DACH2: variants seen among roughly 807,000 people sequenced by gnomAD.
The protein encoded by DACH2 is dachshund homolog 2.
Under a neutral mutation model 35.8 loss-of-function variants are expected in DACH2, and 17 were observed. That is an observed-to-expected ratio of 0.48 (90% CI 0.33 to 0.71). The LOEUF (loss-of-function observed/expected upper bound fraction) is 0.71, where lower values mean the gene tolerates loss of function less well. Ranked by LOEUF, DACH2 falls within the 30% of genes least tolerant of loss-of-function variation. DACH2 has a pLI of 0.02. For missense variants in DACH2, 469 were observed against 472.7 expected, an observed-to-expected ratio of 0.99 and a Z score of 0.07; for synonymous variants, 195 against 177.3, an observed-to-expected ratio of 1.10 and a Z score of -0.79.
At chrX:86,615,649 C>T (rs367637201) in intron 3 of DACH2, among the ~76,000 whole-genome samples, 29 of 111,230 alleles carry the variant, frequency 2.6e-4, no homozygotes, top group East Asian at 2.6e-3. Flanking sequence ...ATTATACATC[C>T]AAGGAGTAAC....
At chrX:86,439,150 G>T (rs181357468) in intron 2 of DACH2, among the ~76,000 whole-genome samples, 138 of 112,143 alleles carry the variant, frequency 1.2e-3, no homozygotes, top group South Asian at 2.9e-3. Flanking sequence ...GATTAATGAT[G>T]TTGGACATTT....
chrX:86,783,832 G>C (rs59418581), intron 7 of DACH2, among the ~76,000 whole-genome samples: 1 of 111,373 alleles, frequency 9.0e-6, no homozygotes, highest in Admixed American at 9.6e-5. Flanking sequence ...GGCTACCAGA[G>C]GGTGATAAGG....
At chrX:86,657,194 G>C (rs2040553451) in intron 4 of DACH2, among the ~76,000 whole-genome samples, 1 of 109,273 alleles carries the variant, frequency 9.2e-6, no homozygotes, top group African/African-American at 3.3e-5. Context: ...GGATACTATA[G>C]TCAAAAATAA....
intron 2 of DACH2, among the ~76,000 whole-genome samples, chrX:86,410,271 T>A (rs1244092829): frequency 8.9e-6 from 1 of 112,420 alleles, no homozygotes; most frequent in Non-Finnish European, 1.9e-5. Flanking sequence ...AGTAGCTTTT[T>A]CTCAGTATGA....
At chrX:86,731,942 G>A (rs745651601) in intron 6 of DACH2, among the ~76,000 whole-genome samples, 47 of 112,223 alleles carry the variant, frequency 4.2e-4, no homozygotes, top group Admixed American at 4.1e-3. Flanking sequence ...AACACTGCCC[G>A]TAATGGTAGC....
At chrX:86,251,409 G>C (rs967735217) in intron 1 of DACH2, among the ~76,000 whole-genome samples, 3 of 110,470 alleles carry the variant, frequency 2.7e-5, no homozygotes, top group African/African-American at 9.9e-5. Flanking sequence ...TTCTTTAATG[G>C]TGATTTCTGA....
intron 2 of DACH2, among the ~76,000 whole-genome samples, chrX:86,453,313 C>G (rs2037415471): frequency 8.9e-6 from 1 of 112,030 alleles, no homozygotes; most frequent in South Asian, 3.7e-4. Context: ...GTGGAGAGTT[C>G]TGTCGATATC....
At chrX:86,273,675 G>A (rs749319169) in intron 1 of DACH2, among the ~76,000 whole-genome samples, 3 of 112,377 alleles carry the variant, frequency 2.7e-5, no homozygotes, top group Admixed American at 1.9e-4. Flanking sequence ...TATGGGATAT[G>A]ATGATTTTTG....
intron 2 of DACH2, among the ~76,000 whole-genome samples, chrX:86,474,213 T>G (rs2037805627): frequency 8.9e-6 from 1 of 112,177 alleles, no homozygotes; most frequent in African/African-American, 3.2e-5. Flanking sequence ...AATCTGATTA[T>G]TAGATTTTCT....
chrX:86,538,655 A>G (rs1057090044), intron 3 of DACH2, among the ~76,000 whole-genome samples: 1 of 111,430 alleles, frequency 9.0e-6, no homozygotes, highest in African/African-American at 3.3e-5. Flanking sequence ...AGGACAAGAG[A>G]GCAAACTTTT....
At chrX:86,212,433 C>T (rs902893862) in intron 1 of DACH2, among the ~76,000 whole-genome samples, 1 of 111,052 alleles carries the variant, frequency 9.0e-6, no homozygotes, top group East Asian at 2.8e-4. Context: ...GAATTTATGA[C>T]CTAACAAGCA....
intron 1 of DACH2, among the ~76,000 whole-genome samples, chrX:86,321,420 T>TA (rs1277430601): frequency 8.9e-6 from 1 of 112,212 alleles, no homozygotes; most frequent in Non-Finnish European, 1.9e-5. Context: ...TCAGTCTTCC[T>TA]AAAAAGTCAG....
chrX:86,273,185 A>G (rs1214735634), intron 1 of DACH2, among the ~76,000 whole-genome samples: 1 of 112,184 alleles, frequency 8.9e-6, no homozygotes, highest in Non-Finnish European at 1.9e-5. Flanking sequence ...GAAGAACAAA[A>G]TTGTAAAAAT....
intron 2 of DACH2, among the ~76,000 whole-genome samples, chrX:86,386,003 G>C (rs187490062): frequency 8.9e-6 from 1 of 111,769 alleles, no homozygotes; most frequent in African/African-American, 3.2e-5. Flanking sequence ...GAATCAGTTT[G>C]TCCTAACTAA....
chrX:86,774,538 T>C (rs910972669), intron 7 of DACH2, among the ~76,000 whole-genome samples: 3 of 111,856 alleles, frequency 2.7e-5, no homozygotes, highest in Non-Finnish European at 3.8e-5. Context: ...CTGCCAAGTT[T>C]AATGGTGCTG....
chrX:86,660,102 A>G (rs1278471025), intron 4 of DACH2, among the ~76,000 whole-genome samples: 1 of 111,167 alleles, frequency 9.0e-6, no homozygotes, highest in Non-Finnish European at 1.9e-5. Flanking sequence ...TTATTGCCTC[A>G]ACTTAACATT....
chrX:86,376,035 G>A (rs1433509867), intron 1 of DACH2, among the ~76,000 whole-genome samples: 1 of 109,926 alleles, frequency 9.1e-6, no homozygotes, highest in Non-Finnish European at 1.9e-5. Flanking sequence ...TTACTGCACT[G>A]CTGGAAAGAA....
intron 1 of DACH2, among the ~76,000 whole-genome samples, chrX:86,247,899 A>G (rs769633072): frequency 2.7e-5 from 3 of 111,916 alleles, no homozygotes; most frequent in Non-Finnish European, 5.7e-5. Context: ...ATGCAAATCA[A>G]TAAAGGTGAT....
chrX:86,323,231 C>G (rs1334915379), intron 1 of DACH2, among the ~76,000 whole-genome samples: 2 of 112,417 alleles, frequency 1.8e-5, no homozygotes, highest in Non-Finnish European at 3.8e-5. Context: ...GAGAAGGTTA[C>G]TTCGCCTCAC....
Sources: allele counts gnomAD v4.1 joint callset (sites outside exome capture counted in the v4.1 genomes callset), GRCh38; gene constraint gnomAD v4.1.1; transcripts MANE v1.5; gene names NCBI Gene and HGNC (gene_info 2026-07-23, HGNC 2026-07-21).